Variants in CTNNA3 observed in about 807,000 individuals in gnomAD.
CTNNA3 encodes the protein catenin alpha-3.
CTNNA3 carries 76 observed loss-of-function variants against 95.7 expected under a neutral mutation model. That is an observed-to-expected ratio of 0.79 (90% CI 0.66 to 0.96). The LOEUF (loss-of-function observed/expected upper bound fraction) is 0.96, where lower values mean the gene tolerates loss of function less well. Ranked by LOEUF, CTNNA3 falls within the 40% of genes least tolerant of loss-of-function variation. The pLI is 0.00. For missense variants in CTNNA3, 1,191 were observed against 1,089.8 expected, an observed-to-expected ratio of 1.09 and a Z score of -1.31; for synonymous variants, 431 against 374.4, an observed-to-expected ratio of 1.15 and a Z score of -1.74.
chr10:66,253,730 CTGTG>C (rs1229180273), intron 13 of CTNNA3, among the ~76,000 whole-genome samples: 1 of 151,984 alleles, frequency 6.6e-6, no homozygotes, highest in Admixed American at 6.6e-5. Context: ...CGTTGTGTGT[CTGTG>C]TGTTTCTTTT....
At chr10:66,367,720 TC>T (rs2092720192) in intron 12 of CTNNA3, among the ~76,000 whole-genome samples, 1 of 148,406 alleles carries the variant, frequency 6.7e-6, no homozygotes, top group Admixed American at 6.7e-5. Flanking sequence ...ATAGTTAGAT[TC>T]ATGATATTCT....
chr10:67,715,513 T>G (rs964614850), intron 1 of CTNNA3, among the ~76,000 whole-genome samples: 1 of 151,946 alleles, frequency 6.6e-6, no homozygotes, highest in Non-Finnish European at 1.5e-5. Flanking sequence ...TTTATTTAAT[T>G]AGGAACAGTT....
intron 12 of CTNNA3, among the ~76,000 whole-genome samples, chr10:66,332,793 G>C (rs1177877926): frequency 6.6e-6 from 1 of 152,078 alleles, no homozygotes; most frequent in East Asian, 1.9e-4. Flanking sequence ...AATAGTTTCA[G>C]AAGGAATGGT....
chr10:66,772,373 C>T (rs564586868), intron 8 of CTNNA3, among the ~76,000 whole-genome samples: 5 of 149,280 alleles, frequency 3.3e-5, no homozygotes, highest in African/African-American at 9.9e-5. Context: ...TGCAACGAGC[C>T]GAGATCACAC....
intron 5 of CTNNA3, among the ~76,000 whole-genome samples, chr10:67,516,505 A>T (rs967072246): frequency 3.3e-5 from 5 of 152,310 alleles, no homozygotes; most frequent in Admixed American, 3.3e-4. Flanking sequence ...TTCCCAGAGT[A>T]AGCCTAAGAG....
At chr10:67,005,509 A>G (rs1851915350) in intron 7 of CTNNA3, among the ~76,000 whole-genome samples, 1 of 151,988 alleles carries the variant, frequency 6.6e-6, no homozygotes, top group South Asian at 2.1e-4. Flanking sequence ...GGAGCTTTGT[A>G]GACTAGTGAC....
At chr10:66,581,218 C>T (rs1191569035) in intron 10 of CTNNA3, among the ~76,000 whole-genome samples, 4 of 151,462 alleles carry the variant, frequency 2.6e-5, no homozygotes, top group African/African-American at 9.7e-5. Context: ...TGCACACAGG[C>T]ATCTCTTTGA....
chr10:66,879,717 T>C (rs4746647), intron 7 of CTNNA3, among the ~76,000 whole-genome samples: 147,710 of 152,172 alleles, frequency 0.97, 71,852 homozygotes, highest in East Asian at 1. Flanking sequence ...TCTTGGACTC[T>C]TGTACTGGGA....
chr10:66,276,520 T>A (rs955980420), intron 13 of CTNNA3, among the ~76,000 whole-genome samples: 6 of 152,138 alleles, frequency 3.9e-5, no homozygotes, highest in Admixed American at 3.9e-4. Context: ...CTATAAAAAT[T>A]ATGTGCAGAA....
chr10:66,985,861 G>A (rs1850701101), intron 7 of CTNNA3, among the ~76,000 whole-genome samples: 1 of 151,960 alleles, frequency 6.6e-6, no homozygotes, highest in Non-Finnish European at 1.5e-5. Context: ...CCAAGTAACT[G>A]GGATTACAGG....
At chr10:66,513,017 T>G (rs539455051) in intron 11 of CTNNA3, among the ~76,000 whole-genome samples, 16 of 152,096 alleles carry the variant, frequency 1.1e-4, no homozygotes, top group African/African-American at 3.9e-4. Context: ...TTGGGAACAT[T>G]TGAGCTCCCT....
At chr10:66,926,633 A>C (rs1442818085) in intron 7 of CTNNA3, 1 of 1,599,890 alleles carries the variant, frequency 6.3e-7, no homozygotes, top group Admixed American at 1.7e-5. Flanking sequence ...AACAAAAAAC[A>C]AAAAACCTCT....
At chr10:66,761,347 A>C (rs1839590705) in intron 9 of CTNNA3, among the ~76,000 whole-genome samples, 1 of 152,178 alleles carries the variant, frequency 6.6e-6, no homozygotes, top group Non-Finnish European at 1.5e-5. Context: ...AATAAGGTAC[A>C]TAAAGATAGA....
intron 15 of CTNNA3, among the ~76,000 whole-genome samples, chr10:66,000,924 G>A (rs1229682614): frequency 5.3e-5 from 8 of 152,184 alleles, no homozygotes; most frequent in African/African-American, 1.9e-4. Context: ...ACTATGCTAT[G>A]TTGCCTCCCA....
At chr10:66,522,973 C>T (rs116644668) in intron 10 of CTNNA3, among the ~76,000 whole-genome samples, 2,136 of 152,040 alleles carry the variant, frequency 0.014, 40 homozygotes, top group African/African-American at 0.048. Flanking sequence ...AGGTAGAAGA[C>T]GGAAAAAATT....
intron 12 of CTNNA3, among the ~76,000 whole-genome samples, chr10:66,281,777 G>T (rs10822791): frequency 0.24 from 36,490 of 151,408 alleles, 4,605 homozygotes; most frequent in South Asian, 0.3. Context: ...TTATTGATAT[G>T]AGGAAATTTT....
At chr10:66,577,963 A>C (rs1218882233) in intron 10 of CTNNA3, among the ~76,000 whole-genome samples, 1 of 151,972 alleles carries the variant, frequency 6.6e-6, no homozygotes, top group Non-Finnish European at 1.5e-5. Context: ...AATAGGAAGA[A>C]TATTTTTCCA....
intron 3 of CTNNA3, among the ~76,000 whole-genome samples, chr10:67,565,751 T>C (rs923702703): frequency 5.3e-5 from 8 of 150,402 alleles, no homozygotes; most frequent in South Asian, 2.1e-4. Context: ...ATTCTGTTGG[T>C]AGAAATATAA....
chr10:66,991,614 T>C (rs752706712), intron 7 of CTNNA3, among the ~76,000 whole-genome samples: 3 of 152,120 alleles, frequency 2.0e-5, no homozygotes, highest in Admixed American at 6.5e-5. Flanking sequence ...TGCAATGGCG[T>C]GATCTTGGCT....
Sources: allele counts gnomAD v4.1 joint callset (sites outside exome capture counted in the v4.1 genomes callset), GRCh38; gene constraint gnomAD v4.1.1; transcripts MANE v1.5; gene names NCBI Gene and HGNC (gene_info 2026-07-23, HGNC 2026-07-21).